Variants in CENPE observed in about 807,000 individuals in gnomAD.
CENPE encodes centromere-associated protein E.
Under a neutral mutation model 336.1 loss-of-function variants are expected in CENPE, and 145 were observed. The ratio of observed to expected loss-of-function variants is 0.43; its 90% CI spans 0.38 to 0.50. The LOEUF is 0.50. CENPE is among the 20% of genes least tolerant of loss of function. CENPE has a pLI of 0.00. For missense variants in CENPE, 2,719 were observed against 3,023.3 expected (o/e 0.90, Z 2.36); for synonymous variants, 1,013 against 984.8 (o/e 1.03, Z -0.54).
intron 42 of CENPE, among the ~76,000 whole-genome samples, chr4:103,129,467 G>A (rs1191649903): frequency 1.3e-5 from 2 of 152,126 alleles, no homozygotes; most frequent in African/African-American, 2.4e-5. Flanking sequence ...AGCTGGGTGC[G>A]GTGGTTCACG....
intron 25 of CENPE, among the ~76,000 whole-genome samples, chr4:103,152,469 C>A (rs1753641651): frequency 1.3e-5 from 2 of 152,162 alleles, no homozygotes; most frequent in South Asian, 4.1e-4. Flanking sequence ...CTAGCAAATT[C>A]TCATCAAGTT....
Position 103,143,325 on chromosome 4 carries a change from T to C in CENPE, c.5227A>G (p.Ile1743Val). 6.2e-7 allele frequency: 1 copy of C among 1,604,346 alleles called. No homozygotes were observed. Among genetic ancestry groups the C allele is most frequent in the Non-Finnish European group, 8.5e-7 (1 of 1,171,602 alleles). The change falls in exon 34 of 49, where the codon ATT (isoleucine) becomes GTT (valine). Residue 1743 changes from isoleucine (I) to valine (V), a missense_variant. Transcript: ENST00000265148. Reference protein sequence around the residue: ...HQETIDKLRGIVSEKTNEISN... With the variant: ...HQETIDKLRGVVSEKTNEISN... ...ATTTCATTTGTTTTCTCTGAAACAATCCCTCTTAGTTTATCAATAGTTTCT... is the reference window on the plus strand; with the variant it reads ...ATTTCATTTGTTTTCTCTGAAACAACCCCTCTTAGTTTATCAATAGTTTCT...
At position 103,110,791 on chromosome 4, in the gene CENPE, G is replaced by A. The variant is rs377559961; in HGVS notation, c.7724+37C>T. ...ATGTCCCTACATATATGTAATAGCCGTAAGCATAATATCCGTATCATGTAA... is the reference window on the plus strand; with the variant it reads ...ATGTCCCTACATATATGTAATAGCCATAAGCATAATATCCGTATCATGTAA... On this transcript the variant is annotated intron_variant, in intron 47 of 48. Coordinates refer to ENST00000265148, the MANE Select transcript of CENPE (RefSeq NM_001813.3). 3.8e-5 allele frequency: 56 copies of A among 1,479,964 alleles called. 1 individual carries two copies. The South Asian group carries it at 5.4e-4, about 14-fold the overall frequency. 91.7% of individuals were successfully genotyped at this position (1,479,964 alleles called of 1,614,324 possible).
Position 103,138,347 on chromosome 4 carries a change from T to C in CENPE, c.6303+4A>G. On this transcript the variant is annotated splice_donor_region_variant and intron_variant, in intron 39 of 48. Transcript: ENST00000265148. ...CATTTGTAGTTTTAACAGGGGGTAC[T>C]TACTTTTATTCTAGAGCACTTTTCT... The C allele has an allele frequency of 1.3e-6, 2 of 1,589,518 alleles. No individual in the cohort carries two copies. The highest frequency in any genetic ancestry group is 1.3e-5 in the African/African-American group (1 of 74,682).
At chr4:103,111,443 AT>A (rs1308519893) in intron 46 of CENPE, among the ~76,000 whole-genome samples, 29 of 152,250 alleles carry the variant, frequency 1.9e-4, no homozygotes, top group Non-Finnish European at 4.0e-4. Flanking sequence ...TATTCAATAC[AT>A]ATTATTAACT....
chr4:103,128,716 G>A (rs1007253020), intron 42 of CENPE, among the ~76,000 whole-genome samples: 5 of 152,162 alleles, frequency 3.3e-5, no homozygotes, highest in Non-Finnish European at 5.9e-5. Flanking sequence ...TCTGTGGGAT[G>A]CAGTAAAAGC....
At chr4:103,129,952 A>G (rs1052424106) in intron 42 of CENPE, among the ~76,000 whole-genome samples, 1 of 152,194 alleles carries the variant, frequency 6.6e-6, no homozygotes, top group Non-Finnish European at 1.5e-5. Flanking sequence ...ATGCAGAAAA[A>G]ATTTGTCAAA....
chr4:103,122,833 G>T, intron 43 of CENPE, 38 bp downstream of exon 43: 1 of 1,469,008 alleles, frequency 6.8e-7, no homozygotes, highest in Non-Finnish European at 9.5e-7. Context: ...CTGTGATGAA[G>T]CTGCAAACTG....
chr4:103,109,756 A>G (rs1457028585), intron 47 of CENPE, among the ~76,000 whole-genome samples: 1 of 152,274 alleles, frequency 6.6e-6, no homozygotes, highest in Middle Eastern at 3.4e-3. Flanking sequence ...TGATCCCTCT[A>G]TAATGCTCTA....
At chr4:103,186,851 C>T (rs899512010) in intron 8 of CENPE, among the ~76,000 whole-genome samples, 1 of 151,926 alleles carries the variant, frequency 6.6e-6, no homozygotes, top group African/African-American at 2.4e-5. Flanking sequence ...GGAAGCTGGT[C>T]CCAAAAAGAT....
rs779827542 is a variant in CENPE, at chr4:103,158,478, AAAC to A, written c.2875-23_2875-21del. On this transcript the variant is annotated intron_variant, in intron 23 of 48. Coordinates refer to ENST00000265148, the MANE Select transcript of CENPE (RefSeq NM_001813.3). Reference sequence around the variant, plus strand: ...TATATTCTTTGTTAGAAAAATATAAAAACAATTTCCATTAGAATATGAAACAAA... The same window carrying A: ...TATATTCTTTGTTAGAAAAATATAAAAATTTCCATTAGAATATGAAACAAA... 13 of 1,527,658 alleles carry A rather than the reference AAAC, an allele frequency of 8.5e-6. No homozygotes were observed. The African/African-American group carries it at 9.8e-5, about 12-fold the overall frequency. The allele number at this position is 1,527,658 out of a possible 1,614,324, so 94.6% of individuals were successfully genotyped here. A position where few individuals can be genotyped will look rare whatever the true frequency, so the allele number is the denominator to read the frequency against.
At chr4:103,134,085 C>A (rs1306962762) in intron 40 of CENPE, among the ~76,000 whole-genome samples, 193 bp from the exon 41 acceptor site, 1 of 152,154 alleles carries the variant, frequency 6.6e-6, no homozygotes, top group Non-Finnish European at 1.5e-5. Flanking sequence ...AACTAACTCC[C>A]AGACCTATAA....
chr4:103,117,026 G>C (rs1000665595), intron 44 of CENPE, among the ~76,000 whole-genome samples: 1 of 151,926 alleles, frequency 6.6e-6, no homozygotes, highest in African/African-American at 2.4e-5. Context: ...GGTGGAAAAA[G>C]GTAAATCAGA....
rs56951110 is a variant in CENPE, at chr4:103,132,960, T to TTATATATATA, written c.6721-74_6721-65dup. 590 of 148,194 alleles carry TTATATATATA rather than the reference T, an allele frequency of 4.0e-3. 17 individuals carry two copies. The highest frequency in any genetic ancestry group is 0.013 in the Middle Eastern group (4 of 316). 9.2% of individuals were successfully genotyped at this position (148,194 alleles called of 1,614,324 possible). ...GAAAGTTTTGATCCAAATATTTTAT[T>TTATATATATA]TATATATATATATATATATATATAA... On this transcript the variant is annotated intron_variant, in intron 41 of 48. Coordinates refer to ENST00000265148, the MANE Select transcript of CENPE (RefSeq NM_001813.3).
At chr4:103,144,266 T>C in intron 33 of CENPE, 65 bp downstream of exon 33, 2 of 1,405,502 alleles carry the variant, frequency 1.4e-6, no homozygotes, top group South Asian at 1.4e-5. Flanking sequence ...ACCAACCCTA[T>C]GGCAGATTTT....
chr4:103,134,635 CAAAAAAAAAAAA>C (rs36085712), intron 40 of CENPE, among the ~76,000 whole-genome samples: 2 of 64,772 alleles, frequency 3.1e-5, no homozygotes, highest in Non-Finnish European at 5.8e-5. Context: ...GACTCCGTCT[CAAAAAAAAAAAA>C]AAAAAAAAAA....
chr4:103,169,790 C>T lies in CENPE; in HGVS notation c.1647+4946G>A, dbSNP rs373364270. ...CAGCAAGCCCATTACTGAGTATATA[C>T]CCAAAGGATTATAAATCATTCTACT... On this transcript the variant is annotated intron_variant, in intron 16 of 48. Coordinates refer to ENST00000265148, the MANE Select transcript of CENPE (RefSeq NM_001813.3). 8.5e-5 allele frequency among the ~76,000 whole-genome samples: 13 copies of T among 152,192 alleles called. No individual in the cohort carries two copies. In the East Asian group the frequency reaches 2.3e-3, roughly 27 times the overall value.
Position 103,144,385 on chromosome 4 carries a change from A to G in CENPE, c.5091T>C (p.Thr1697=). The part of the protein sequence containing the change: ...ERDDLRSVEE[T]LKVERDQLKE... ...TGAGCTGGTCTCTCTCTACTTTGAG[A>G]GTCTCCTCCACACTCCTAAGGTCAT... The change falls in exon 33 of 49, where the codon ACT becomes ACC. Residue 1697 remains threonine (T), a synonymous_variant. Transcript: ENST00000265148. The G allele has an allele frequency of 6.2e-7, 1 of 1,613,282 alleles. No individual in the cohort carries two copies. Among genetic ancestry groups the G allele is most frequent in the Non-Finnish European group, 8.5e-7 (1 of 1,179,776 alleles).
chr4:103,183,099 T>C (rs954566352), intron 10 of CENPE, 102 bp downstream of exon 10: 3 of 936,018 alleles, frequency 3.2e-6, no homozygotes, highest in African/African-American at 3.4e-5. Context: ...TTTGAATATA[T>C]GGAAGAAATC....
Sources: allele counts gnomAD v4.1 joint callset (sites outside exome capture counted in the v4.1 genomes callset), GRCh38; gene constraint gnomAD v4.1.1; transcripts MANE v1.5; gene names NCBI Gene and HGNC (gene_info 2026-07-23, HGNC 2026-07-21).